The following MAML3 variants were observed in gnomAD, a reference collection of about 807,000 sequenced individuals.
MAML3 encodes mastermind-like protein 3.
A neutral mutation model predicts 101.9 loss-of-function variants in MAML3; 27 were observed. That is an observed-to-expected ratio of 0.27 (90% CI 0.20 to 0.37). The LOEUF is 0.37. Ranked by LOEUF, MAML3 falls within the 10% of genes least tolerant of loss-of-function variation. MAML3 has a pLI of 1.00. For synonymous variants in MAML3, 501 were observed against 555.9 expected, an observed-to-expected ratio of 0.90 and a Z score of 1.39; for missense variants, 1,316 against 1,444.9, an observed-to-expected ratio of 0.91 and a Z score of 1.45.
chr4:140,079,351 TG>T (rs980290905), intron 1 of MAML3, among the ~76,000 whole-genome samples: 16 of 152,330 alleles, frequency 1.1e-4, no homozygotes, highest in African/African-American at 3.6e-4. Flanking sequence ...TGGAGTGCAG[TG>T]GCACAATCTC....
chr4:139,724,631 A>C (rs576739033), intron 4 of MAML3, among the ~76,000 whole-genome samples: 17 of 152,256 alleles, frequency 1.1e-4, no homozygotes, highest in African/African-American at 4.1e-4. Context: ...GGACACATTG[A>C]TCTAGATCCC....
intron 2 of MAML3, among the ~76,000 whole-genome samples, chr4:139,782,713 G>A (rs1394798265): frequency 6.6e-6 from 1 of 152,136 alleles, no homozygotes; most frequent in Non-Finnish European, 1.5e-5. Context: ...CTGCCGAGGA[G>A]CTGGCCAGAG....
intron 1 of MAML3, among the ~76,000 whole-genome samples, chr4:139,925,942 C>T (rs188783603): frequency 5.7e-4 from 87 of 152,086 alleles, no homozygotes; most frequent in East Asian, 5.4e-3. Flanking sequence ...AAGAGGAGGA[C>T]GGAGAAATGC....
chr4:140,142,223 A>G (rs1424839973), intron 1 of MAML3, among the ~76,000 whole-genome samples: 1 of 152,224 alleles, frequency 6.6e-6, no homozygotes, highest in African/African-American at 2.4e-5. Context: ...TGTAGAAAAA[A>G]TGAATATGTG....
intron 1 of MAML3, among the ~76,000 whole-genome samples, chr4:140,098,154 T>C (rs1027422116): frequency 1.3e-5 from 2 of 152,232 alleles, no homozygotes; most frequent in Non-Finnish European, 2.9e-5. Context: ...ATTTTGCATA[T>C]GTGAAGTGTG....
intron 2 of MAML3, among the ~76,000 whole-genome samples, chr4:139,886,317 G>C (rs1331747208): frequency 6.6e-6 from 1 of 152,102 alleles, no homozygotes; most frequent in Non-Finnish European, 1.5e-5. Flanking sequence ...ACTTTTTTAA[G>C]TAGGGAGTTT....
At chr4:139,745,467 G>A (rs116026036) in intron 2 of MAML3, among the ~76,000 whole-genome samples, 7 of 152,180 alleles carry the variant, frequency 4.6e-5, no homozygotes, top group Non-Finnish European at 1.0e-4. Context: ...GTGAGGGGAA[G>A]CTGGCTGAGA....
intron 1 of MAML3, among the ~76,000 whole-genome samples, chr4:139,926,062 G>C (rs1401910405): frequency 6.6e-6 from 1 of 152,146 alleles, no homozygotes; most frequent in Non-Finnish European, 1.5e-5. Flanking sequence ...CTCAACAGAG[G>C]ATTCAGACAG....
At chr4:140,116,124 A>G (rs543971754) in intron 1 of MAML3, among the ~76,000 whole-genome samples, 47 of 152,316 alleles carry the variant, frequency 3.1e-4, no homozygotes, top group African/African-American at 1.1e-3. Flanking sequence ...ATCTTGCTGA[A>G]TAGGTTAAAT....
chr4:139,865,762 C>T (rs750397682), intron 2 of MAML3, among the ~76,000 whole-genome samples: 11 of 152,248 alleles, frequency 7.2e-5, no homozygotes, highest in Non-Finnish European at 1.6e-4. Flanking sequence ...CTGGCCTCAG[C>T]CTTAGAGAGC....
At chr4:139,776,941 A>G (rs778688782) in intron 2 of MAML3, among the ~76,000 whole-genome samples, 18 of 152,232 alleles carry the variant, frequency 1.2e-4, no homozygotes, top group Non-Finnish European at 2.5e-4. Flanking sequence ...GGGATGGAAG[A>G]AAGGTTCTCC....
chr4:140,095,922 G>T (rs1404022537), intron 1 of MAML3, among the ~76,000 whole-genome samples: 1 of 152,174 alleles, frequency 6.6e-6, no homozygotes, highest in Admixed American at 6.5e-5. Flanking sequence ...TCTGTCATTG[G>T]ATCAAGCTCC....
chr4:139,780,362 G>A (rs1008958248), intron 2 of MAML3, among the ~76,000 whole-genome samples: 4 of 152,066 alleles, frequency 2.6e-5, no homozygotes, highest in African/African-American at 9.7e-5. Flanking sequence ...GAATTCTCTG[G>A]GTGCCATGCA....
intron 1 of MAML3, among the ~76,000 whole-genome samples, chr4:140,109,821 C>T (rs996829561): frequency 2.6e-5 from 4 of 152,168 alleles, no homozygotes; most frequent in African/African-American, 9.7e-5. Flanking sequence ...GCCATGACAA[C>T]AGTGAAAGAC....
chr4:139,960,974 G>T (rs1734001582), intron 1 of MAML3, among the ~76,000 whole-genome samples: 1 of 151,600 alleles, frequency 6.6e-6, no homozygotes, highest in Admixed American at 6.6e-5. Context: ...TCAGCCTCAA[G>T]TCAAGACCCA....
chr4:139,939,901 A>T (rs1193426555), intron 1 of MAML3, among the ~76,000 whole-genome samples: 1 of 151,614 alleles, frequency 6.6e-6, no homozygotes, highest in African/African-American at 2.4e-5. Context: ...AATAGCTGGG[A>T]TTACAGGCGC....
intron 2 of MAML3, among the ~76,000 whole-genome samples, chr4:139,750,750 A>G (rs1279834673): frequency 6.6e-6 from 1 of 152,136 alleles, no homozygotes; most frequent in Non-Finnish European, 1.5e-5. Context: ...AAGGCACTCT[A>G]TTTTGAATTT....
At chr4:140,002,154 T>C (rs891840202) in intron 1 of MAML3, among the ~76,000 whole-genome samples, 2 of 152,214 alleles carry the variant, frequency 1.3e-5, no homozygotes, top group Non-Finnish European at 1.5e-5. Flanking sequence ...TCTCTTGAAC[T>C]TATTCCTTTT....
At position 140,154,059 on chromosome 4, in the gene MAML3, G is replaced by A. The variant is rs1464741574; in HGVS notation, c.-732C>T. 1 of 165,280 alleles carries A rather than the reference G, an allele frequency of 6.1e-6. No homozygotes were observed. Among genetic ancestry groups the A allele is most frequent in the Non-Finnish European group, 1.3e-5 (1 of 75,538 alleles). 10.2% of individuals were successfully genotyped at this position (165,280 alleles called of 1,614,324 possible). ...AGAGCAGCACCTAACGCTCGGCTGG[G>A]CTGCCGCTGCCGCCGCTGCTCCTGC... On this transcript the variant is annotated 5_prime_UTR_variant, in exon 1 of 5. Coordinates refer to ENST00000509479, the MANE Select transcript of MAML3 (RefSeq NM_018717.5).
Sources: gnomAD v4.1 joint callset for allele counts (sites outside exome capture counted in the v4.1 genomes callset) on GRCh38, gnomAD v4.1.1 for gene constraint, MANE v1.5 for transcripts, NCBI Gene and HGNC (gene_info 2026-07-23, HGNC 2026-07-21) for gene names.